Variants in EIF3H observed in about 807,000 individuals in gnomAD.
EIF3H encodes eIF-3-gamma.
Under a neutral mutation model 44.2 loss-of-function variants are expected in EIF3H, and 26 were observed. The ratio of observed to expected loss-of-function variants is 0.59; its 90% CI spans 0.43 to 0.82. The LOEUF (loss-of-function observed/expected upper bound fraction) is 0.82. Among genes scored for constraint, EIF3H ranks in the 40% least tolerant of loss-of-function variants. EIF3H has a pLI of 0.00. For missense variants in EIF3H, 359 were observed against 432.8 expected, an observed-to-expected ratio of 0.83 and a Z score of 1.51; for synonymous variants, 166 against 151.9, an observed-to-expected ratio of 1.09 and a Z score of -0.68.
intron 2 of EIF3H, among the ~76,000 whole-genome samples, chr8:116,663,918 G>A (rs1160237441): frequency 3.0e-5 from 4 of 134,366 alleles, no homozygotes; most frequent in Admixed American, 1.6e-4. Flanking sequence ...GAGACAGAGC[G>A]AGACTCAGTC....
At chr8:116,746,476 G>C (rs2130976506) in intron 1 of EIF3H, among the ~76,000 whole-genome samples, 1 of 152,256 alleles carries the variant, frequency 6.6e-6, no homozygotes, top group South Asian at 2.1e-4. Flanking sequence ...ACATAACACA[G>C]AATAACTACT....
intron 5 of EIF3H, among the ~76,000 whole-genome samples, chr8:116,652,341 T>C (rs1362128348): frequency 6.6e-6 from 1 of 152,108 alleles, no homozygotes; most frequent in Non-Finnish European, 1.5e-5. Flanking sequence ...GGGAAATCAG[T>C]GGGAAATGAG....
chr8:116,746,869 A>G (rs543394178), intron 1 of EIF3H, among the ~76,000 whole-genome samples: 1 of 151,388 alleles, frequency 6.6e-6, no homozygotes, highest in Non-Finnish European at 1.5e-5. Context: ...CACTCACAGC[A>G]AAAAAAAACC....
chr8:116,650,765 G>C (rs1046823432), intron 5 of EIF3H, among the ~76,000 whole-genome samples: 10 of 152,188 alleles, frequency 6.6e-5, no homozygotes, highest in African/African-American at 2.2e-4. Context: ...TTGTGCCTCA[G>C]CCTCTCGAGT....
intron 1 of EIF3H, among the ~76,000 whole-genome samples, chr8:116,746,188 T>C (rs978632490): frequency 3.2e-4 from 49 of 152,220 alleles, no homozygotes; most frequent in African/African-American, 1.1e-3. Context: ...AAGATTCTAA[T>C]GTATGTTTTC....
chr8:116,660,731 T>C (rs567046699), intron 2 of EIF3H, among the ~76,000 whole-genome samples: 1 of 152,102 alleles, frequency 6.6e-6, no homozygotes, highest in African/African-American at 2.4e-5. Flanking sequence ...AGTGTTAATA[T>C]AGAGGAAGTT....
At chr8:116,656,133 A>G (rs1813485305) in intron 4 of EIF3H, 128 bp from the exon 5 acceptor site, 2 of 741,484 alleles carry the variant, frequency 2.7e-6, no homozygotes, top group Non-Finnish European at 4.2e-6. Flanking sequence ...CTTAAAAAAA[A>G]AAAAAGTAGA....
At chr8:116,677,394 T>G (rs1400282842) in intron 2 of EIF3H, among the ~76,000 whole-genome samples, 1 of 152,232 alleles carries the variant, frequency 6.6e-6, no homozygotes, top group African/African-American at 2.4e-5. Context: ...ATGGTTAAGA[T>G]GTGTTTTAAC....
chr8:116,753,117 G>A (rs1439891123), intron 1 of EIF3H, among the ~76,000 whole-genome samples: 1 of 152,060 alleles, frequency 6.6e-6, no homozygotes, highest in Admixed American at 6.6e-5. Context: ...TAAAAAATGA[G>A]CAACCAAGAT....
At chr8:116,720,170 T>G (rs1396419284) in intron 2 of EIF3H, among the ~76,000 whole-genome samples, 1 of 152,234 alleles carries the variant, frequency 6.6e-6, no homozygotes, top group Non-Finnish European at 1.5e-5. Flanking sequence ...TATTATTTAA[T>G]GCTAAACTTA....
chr8:116,763,517 T>C (rs1815539900), intron 1 of EIF3H, among the ~76,000 whole-genome samples: 1 of 152,238 alleles, frequency 6.6e-6, no homozygotes, highest in Non-Finnish European at 1.5e-5. Context: ...TATCTGACCT[T>C]TGTAACACCT....
chr8:116,664,884 G>A (rs1441233327), intron 2 of EIF3H, among the ~76,000 whole-genome samples: 1 of 152,166 alleles, frequency 6.6e-6, no homozygotes, highest in Non-Finnish European at 1.5e-5. Context: ...AACACAGCCT[G>A]TAGGGAAAGA....
At chr8:116,765,210 T>G (rs1012781633) in intron 1 of EIF3H, among the ~76,000 whole-genome samples, 9 of 152,352 alleles carry the variant, frequency 5.9e-5, no homozygotes, top group Non-Finnish European at 1.0e-4. Flanking sequence ...CTCAAAGACC[T>G]TGAATCCAAC....
intron 1 of EIF3H, among the ~76,000 whole-genome samples, chr8:116,727,841 T>C (rs897035971): frequency 6.6e-6 from 1 of 152,214 alleles, no homozygotes; most frequent in Non-Finnish European, 1.5e-5. Flanking sequence ...GTCGTGGTAG[T>C]CCTGCTTTTC....
At chr8:116,686,291 G>A (rs1218348748) in intron 2 of EIF3H, among the ~76,000 whole-genome samples, 2 of 152,120 alleles carry the variant, frequency 1.3e-5, no homozygotes, top group Non-Finnish European at 2.9e-5. Context: ...CTCATCAGGA[G>A]TTGATTTTAC....
intron 2 of EIF3H, among the ~76,000 whole-genome samples, chr8:116,692,487 C>T (rs1490842756): frequency 6.6e-6 from 1 of 152,108 alleles, no homozygotes; most frequent in Non-Finnish European, 1.5e-5. Context: ...CTTATTAACT[C>T]TGAATAAAGG....
intron 1 of EIF3H, among the ~76,000 whole-genome samples, chr8:116,749,550 GAA>G (rs1815293777): frequency 6.6e-6 from 1 of 152,198 alleles, no homozygotes; most frequent in Non-Finnish European, 1.5e-5. Context: ...GGTTCAACAT[GAA>G]AAGTTTAACG....
intron 1 of EIF3H, among the ~76,000 whole-genome samples, chr8:116,743,796 ATAAAC>A (rs1563659911): frequency 0.046 from 4,544 of 98,688 alleles, 118 homozygotes; most frequent in East Asian, 0.12. Flanking sequence ...ATATATATAT[ATAAAC>A]ACACACACAC....
At chr8:116,696,240 A>C (rs1362724448) in intron 2 of EIF3H, among the ~76,000 whole-genome samples, 1 of 152,230 alleles carries the variant, frequency 6.6e-6, no homozygotes, top group Non-Finnish European at 1.5e-5. Context: ...AGAAATGCTC[A>C]AATAATTGAT....
Sources: allele counts gnomAD v4.1 joint callset (sites outside exome capture counted in the v4.1 genomes callset), GRCh38; gene constraint gnomAD v4.1.1; transcripts MANE v1.5; gene names NCBI Gene and HGNC (gene_info 2026-07-23, HGNC 2026-07-21).